Variants in KLF8 observed in about 807,000 individuals in gnomAD.
KLF8 encodes the protein Krueppel-like factor 8.
A neutral mutation model predicts 18.2 loss-of-function variants in KLF8; 10 were observed. The ratio of observed to expected loss-of-function variants is 0.55; its 90% CI spans 0.34 to 0.93. The LOEUF (loss-of-function observed/expected upper bound fraction) is 0.93, where lower values mean the gene tolerates loss of function less well. Ranked by LOEUF, KLF8 falls within the 40% of genes least tolerant of loss-of-function variation. KLF8 has a pLI of 0.02. For synonymous variants in KLF8, 109 were observed against 97.3 expected, an observed-to-expected ratio of 1.12 and a Z score of -0.71; for missense variants, 264 against 277.9, an observed-to-expected ratio of 0.95 and a Z score of 0.36.
the KLF8 span, among the ~76,000 whole-genome samples, chrX:55,921,579 C>T: frequency 8.1e-5 from 4 of 49,092 alleles, no homozygotes; most frequent in South Asian, 1.0e-3. Context: ...ATGACAAAAA[C>T]ATCAAAAGCA....
At chrX:56,187,346 A>G in the KLF8 span, among the ~76,000 whole-genome samples, 1 of 111,957 alleles carries the variant, frequency 8.9e-6, no homozygotes, top group African/African-American at 3.2e-5. Context: ...CTCTGCATAG[A>G]CCAATAACAG....
chrX:56,259,373 T>C (rs755404659), intron 2 of KLF8, among the ~76,000 whole-genome samples: 1 of 111,127 alleles, frequency 9.0e-6, no homozygotes, highest in Non-Finnish European at 1.9e-5. Flanking sequence ...AACTGGCTCA[T>C]ACCTTTCTTT....
the KLF8 span, among the ~76,000 whole-genome samples, chrX:56,088,683 C>G: frequency 1.8e-5 from 2 of 111,625 alleles, no homozygotes; most frequent in Non-Finnish European, 3.8e-5. Flanking sequence ...ATTTCCACAT[C>G]AGATTCCAGA....
intron 3 of KLF8, chrX:56,266,632 C>G: frequency 1.3e-6 from 1 of 751,339 alleles, no homozygotes. Context: ...CACCACTATC[C>G]CCCAACCACT....
chrX:56,153,408 C>T, the KLF8 span, among the ~76,000 whole-genome samples: 1 of 110,630 alleles, frequency 9.0e-6, no homozygotes, highest in Non-Finnish European at 1.9e-5. Context: ...TCTTTAATGT[C>T]TAGTTTAAAA....
chrX:55,961,317 G>A, the KLF8 span: 15 of 416,719 alleles, frequency 3.6e-5, no homozygotes, highest in Non-Finnish European at 6.9e-5. Flanking sequence ...ATGTGGAGAT[G>A]GGACTTCCAG....
At chrX:56,046,642 G>A in the KLF8 span, among the ~76,000 whole-genome samples, 2 of 109,960 alleles carry the variant, frequency 1.8e-5, no homozygotes, top group African/African-American at 6.6e-5. Context: ...CATCTATGAA[G>A]CTTTGTTTCA....
chrX:56,096,371 A>G, the KLF8 span, among the ~76,000 whole-genome samples: 1 of 111,416 alleles, frequency 9.0e-6, no homozygotes, highest in African/African-American at 3.3e-5. Flanking sequence ...AGGTACACTA[A>G]AAGCCCAGAC....
the KLF8 span, among the ~76,000 whole-genome samples, chrX:56,191,986 CAA>C: frequency 9.0e-6 from 1 of 110,888 alleles, no homozygotes; most frequent in Non-Finnish European, 1.9e-5. Flanking sequence ...AGCAATCAGA[CAA>C]GAGAAGGAAA....
chrX:56,148,048 A>T, the KLF8 span, among the ~76,000 whole-genome samples: 18 of 112,140 alleles, frequency 1.6e-4, no homozygotes, highest in African/African-American at 5.2e-4. Context: ...CACTCTAATT[A>T]TACACTTTTA....
the KLF8 span, among the ~76,000 whole-genome samples, chrX:56,018,295 G>A: frequency 1.7e-4 from 19 of 109,965 alleles, no homozygotes; most frequent in Admixed American, 1.3e-3. Flanking sequence ...TTTGTCTCTC[G>A]GTGCCTTACT....
the KLF8 span, among the ~76,000 whole-genome samples, chrX:56,035,215 A>G: frequency 2.7e-5 from 3 of 112,006 alleles, no homozygotes; most frequent in African/African-American, 6.5e-5. Context: ...GAGAGCATAC[A>G]TGGTTTAACC....
At chrX:56,159,327 G>A in the KLF8 span, among the ~76,000 whole-genome samples, 754 of 111,949 alleles carry the variant, frequency 6.7e-3, 2 homozygotes, top group Non-Finnish European at 0.011. Flanking sequence ...ATGTTCATCA[G>A]GGATATTGGC....
chrX:56,155,907 G>A, the KLF8 span, among the ~76,000 whole-genome samples: 2 of 111,469 alleles, frequency 1.8e-5, no homozygotes, highest in Non-Finnish European at 3.8e-5. Flanking sequence ...AGAACATGTG[G>A]TGTTTGATTT....
chrX:55,997,483 T>A, the KLF8 span, among the ~76,000 whole-genome samples: 1 of 111,661 alleles, frequency 9.0e-6, no homozygotes. Flanking sequence ...CTCATTTAAC[T>A]CATCCTTTCC....
intron 5 of KLF8, among the ~76,000 whole-genome samples, chrX:56,273,707 T>C (rs1234277616): frequency 9.0e-6 from 1 of 111,497 alleles, no homozygotes; most frequent in African/African-American, 3.3e-5. Flanking sequence ...TCCTCCTTAG[T>C]GGTCTCCAAG....
the KLF8 span, among the ~76,000 whole-genome samples, chrX:56,012,936 G>A: frequency 8.9e-6 from 1 of 111,848 alleles, no homozygotes; most frequent in Non-Finnish European, 1.9e-5. Flanking sequence ...AAAGCTGGAG[G>A]CATCATGCTA....
chrX:55,921,496 A>G, the KLF8 span, among the ~76,000 whole-genome samples: 6 of 111,745 alleles, frequency 5.4e-5, no homozygotes, highest in Non-Finnish European at 9.4e-5. Context: ...TTGTTCTAAA[A>G]CCCAAAATTA....
At chrX:56,230,606 C>T (rs866890661), upstream of KLF8, among the ~76,000 whole-genome samples, 2 of 111,568 alleles carry the variant, frequency 1.8e-5, no homozygotes, top group Non-Finnish European at 3.8e-5. Flanking sequence ...TTTATTTAAC[C>T]TGTCACTAAG....
Sources: gnomAD v4.1 joint callset for allele counts (sites outside exome capture counted in the v4.1 genomes callset) on GRCh38, gnomAD v4.1.1 for gene constraint, MANE v1.5 for transcripts, NCBI Gene and HGNC (gene_info 2026-07-23, HGNC 2026-07-21) for gene names.